CDC42BPB: variants seen among roughly 807,000 people sequenced by gnomAD.
CDC42BPB encodes the protein serine/threonine-protein kinase MRCK beta.
A neutral mutation model predicts 214.9 loss-of-function variants in CDC42BPB; 37 were observed. The observed-to-expected ratio is 0.17, with a 90% CI of 0.13 to 0.23. The LOEUF is 0.23. Among genes scored for constraint, CDC42BPB ranks in the 10% least tolerant of loss-of-function variants. The pLI is 1.00. For missense variants in CDC42BPB, 1,694 were observed against 2,227.0 expected, an observed-to-expected ratio of 0.76 and a Z score of 4.82; for synonymous variants, 931 against 884.0, an observed-to-expected ratio of 1.05 and a Z score of -0.94.
chr14:102,986,657 G>A, intron 5 of CDC42BPB, 77 bp from the exon 6 acceptor site: 1 of 1,551,082 alleles, frequency 6.4e-7, no homozygotes, highest in Non-Finnish European at 8.7e-7. Flanking sequence ...AACTAGTGGT[G>A]ATCAGATGAA....
At position 102,955,150 on chromosome 14, in the gene CDC42BPB, C is replaced by T. The variant is rs535656058; in HGVS notation, c.2902-462G>A. Among the ~76,000 whole-genome samples the T allele has an allele frequency of 2.0e-3, 312 of 152,292 alleles. 2 individuals carry two copies. The highest frequency in any genetic ancestry group is 3.1e-3 in the Non-Finnish European group (212 of 68,024). ...TAAGATCAATTAGCCAGGCCAGGCA[C>T]GGTGGCTCACGCCTGTAATCCCAGC... is the stretch of plus-strand genomic sequence containing the variant. On this transcript the variant is annotated intron_variant, in intron 21 of 36. Coordinates refer to ENST00000361246, the MANE Select transcript of CDC42BPB (RefSeq NM_006035.4).
chr14:102,945,607 C>T (rs1396910052), intron 29 of CDC42BPB, 55 bp downstream of exon 29: 2 of 1,508,058 alleles, frequency 1.3e-6, no homozygotes, highest in Non-Finnish European at 1.8e-6. Context: ...GTGCTGTCTG[C>T]AGAGGCCAGG....
chr14:102,980,221 G>A (rs1045591904), intron 8 of CDC42BPB, among the ~76,000 whole-genome samples: 5 of 152,218 alleles, frequency 3.3e-5, no homozygotes, highest in African/African-American at 1.2e-4. Context: ...TAGGCTGGGC[G>A]CGATGGCTCA....
At chr14:102,967,506 C>T (rs1162542368) in intron 16 of CDC42BPB, among the ~76,000 whole-genome samples, 2 of 152,248 alleles carry the variant, frequency 1.3e-5, no homozygotes, top group Admixed American at 1.3e-4. Context: ...AGAACACGGT[C>T]TGAGAAACGT....
At chr14:103,002,223 G>A (rs968913539) in intron 4 of CDC42BPB, among the ~76,000 whole-genome samples, 4 of 152,100 alleles carry the variant, frequency 2.6e-5, no homozygotes, top group Non-Finnish European at 4.4e-5. Context: ...CAACGCCCCC[G>A]CTCAAGGTGG....
rs757401990 is a variant in CDC42BPB, at chr14:103,001,159, G to A, written c.448-1446C>T. On this transcript the variant is annotated intron_variant, in intron 4 of 36. Transcript: ENST00000361246. The surrounding 1 kb of genome is among the most constrained non-coding windows in gnomAD (Gnocchi z 5.8). ...GTCTTCCTCAAGCCTCCCTGCCACC[G>A]CCAAGGGCAGCCCCAGCCTCCCCGC... Among the ~76,000 whole-genome samples, 36 of 152,008 alleles carry A rather than the reference G, an allele frequency of 2.4e-4. No individual in the cohort carries two copies. Among genetic ancestry groups the A allele is most frequent in the Non-Finnish European group, 4.1e-4 (28 of 68,006 alleles).
chr14:102,947,944 T>A, intron 26 of CDC42BPB, 142 bp from the exon 27 acceptor site: 2 of 1,495,694 alleles, frequency 1.3e-6, no homozygotes, highest in Non-Finnish European at 1.8e-6. Flanking sequence ...CCTCCCCAGA[T>A]GTAAGAAACA....
At position 102,940,003 on chromosome 14, in the gene CDC42BPB, C is replaced by T. The variant is rs778901502; in HGVS notation, c.4591+43G>A. 2.0e-5 allele frequency: 32 copies of T among 1,613,724 alleles called. No individual in the cohort carries two copies. The East Asian group carries it at 6.9e-4, about 35-fold the overall frequency. Reference sequence around the variant, plus strand: ...TGCGGCACCAGGGACACACGCCCCTCCAACTTCCCTTCCCTCCACTCCCGG... The same window carrying T: ...TGCGGCACCAGGGACACACGCCCCTTCAACTTCCCTTCCCTCCACTCCCGG... On this transcript the variant is annotated intron_variant, in intron 32 of 36. Coordinates refer to ENST00000361246, the MANE Select transcript of CDC42BPB (RefSeq NM_006035.4).
chr14:102,938,218 A>G, intron 35 of CDC42BPB, 44 bp from the exon 36 acceptor site: 1 of 1,607,352 alleles, frequency 6.2e-7, no homozygotes, highest in South Asian at 1.1e-5. Context: ...AAAGTCAAGA[A>G]CGGAATCAAA....
At chr14:102,983,016 G>A (rs963664423) in intron 7 of CDC42BPB, among the ~76,000 whole-genome samples, 1 of 152,178 alleles carries the variant, frequency 6.6e-6, no homozygotes, top group Non-Finnish European at 1.5e-5. Flanking sequence ...AGTTCGGAAA[G>A]GGAAGGAGGA....
intron 19 of CDC42BPB, among the ~76,000 whole-genome samples, 182 bp downstream of exon 19, chr14:102,964,320 C>A (rs1893093619): frequency 1.3e-5 from 2 of 152,244 alleles, no homozygotes; most frequent in African/African-American, 4.8e-5. Flanking sequence ...CACCTCAGTG[C>A]CAGAACGGCC....
chr14:102,984,126 T>C (rs920641052), intron 6 of CDC42BPB, among the ~76,000 whole-genome samples: 1 of 152,216 alleles, frequency 6.6e-6, no homozygotes, highest in Non-Finnish European at 1.5e-5. Flanking sequence ...CCAGAATGCA[T>C]GAAACTCTTG....
intron 18 of CDC42BPB, among the ~76,000 whole-genome samples, chr14:102,965,919 T>C (rs937727851): frequency 6.6e-6 from 1 of 152,198 alleles, no homozygotes; most frequent in Non-Finnish European, 1.5e-5. Context: ...ATCACGCCAC[T>C]GCACTCTAGC....
intron 26 of CDC42BPB, among the ~76,000 whole-genome samples, chr14:102,949,197 C>T (rs1271758305): frequency 6.6e-6 from 1 of 152,196 alleles, no homozygotes. Flanking sequence ...ATGCCAGTAA[C>T]ATGACCACTG....
chr14:103,039,879 T>TA (rs946051958), intron 1 of CDC42BPB, among the ~76,000 whole-genome samples: 47 of 152,104 alleles, frequency 3.1e-4, no homozygotes, highest in African/African-American at 1.1e-3. Flanking sequence ...ATTTTTTATG[T>TA]AAAAATTCTA....
chr14:103,045,814 C>G (rs1180172267), intron 1 of CDC42BPB, among the ~76,000 whole-genome samples: 2 of 152,192 alleles, frequency 1.3e-5, no homozygotes, highest in African/African-American at 4.8e-5. Flanking sequence ...CATAATCACA[C>G]TGCCACGAGC....
chr14:102,944,583 G>A lies in CDC42BPB; in HGVS notation c.3812-96C>T. 1 of 1,507,382 alleles carries A rather than the reference G, an allele frequency of 6.6e-7. No homozygotes were observed. The highest frequency in any genetic ancestry group is 2.4e-4 in the Middle Eastern group (1 of 4,238). The allele number at this position is 1,507,382 out of a possible 1,614,324, so 93.4% of individuals were successfully genotyped here. A position where few individuals can be genotyped will look rare whatever the true frequency, so the allele number is the denominator to read the frequency against. On this transcript the variant is annotated intron_variant, in intron 29 of 36. Transcript: ENST00000361246. The surrounding 1 kb of genome is among the most constrained non-coding windows in gnomAD (Gnocchi z 6.6). Reference sequence around the variant, plus strand: ...CTAAAGACTTGCCTGGAACACTCTGGGGCCCTCCCCTGGGCTCCCTTCCTG... The same window carrying A: ...CTAAAGACTTGCCTGGAACACTCTGAGGCCCTCCCCTGGGCTCCCTTCCTG...
intron 5 of CDC42BPB, among the ~76,000 whole-genome samples, chr14:102,995,521 G>T (rs865803054): frequency 6.6e-6 from 1 of 152,146 alleles, no homozygotes. Flanking sequence ...CTGCCTTTCC[G>T]GATATCATCA....
intron 1 of CDC42BPB, among the ~76,000 whole-genome samples, chr14:103,043,114 G>C (rs565737705): frequency 6.6e-6 from 1 of 152,240 alleles, no homozygotes; most frequent in Admixed American, 6.5e-5. Flanking sequence ...ACAAGAATTA[G>C]TCAGGCGTAA....
Sources: gnomAD v4.1 joint callset for allele counts (sites outside exome capture counted in the v4.1 genomes callset) on GRCh38, gnomAD v4.1.1 for gene constraint, Gnocchi (gnomAD v3.1) non-coding constraint, MANE v1.5 for transcripts, NCBI Gene and HGNC (gene_info 2026-07-23, HGNC 2026-07-21) for gene names.